FOXP2: variants seen among roughly 807,000 people sequenced by gnomAD.
FOXP2 encodes forkhead box P2, also known as forkhead box protein P2.
In FOXP2, 12 loss-of-function variants were observed where a neutral mutation model predicts 115.8. The observed-to-expected ratio is 0.10, with a 90% CI of 0.07 to 0.17. The LOEUF (loss-of-function observed/expected upper bound fraction) is 0.17. Among genes scored for constraint, FOXP2 ranks in the 10% least tolerant of loss-of-function variants. FOXP2 has a pLI of 1.00. For synonymous variants in FOXP2, 328 were observed against 297.7 expected, an observed-to-expected ratio of 1.10 and a Z score of -1.05; for missense variants, 629 against 843.5, an observed-to-expected ratio of 0.75 and a Z score of 3.15.
At chr7:114,617,355 T>C (rs1378304741) in intron 3 of FOXP2, among the ~76,000 whole-genome samples, 1 of 152,192 alleles carries the variant, frequency 6.6e-6, no homozygotes, top group East Asian at 1.9e-4. Context: ...AATGCTCCCT[T>C]CCTCTCTATC....
intron 1 of FOXP2, among the ~76,000 whole-genome samples, chr7:114,164,142 G>A (rs1792911253): frequency 6.6e-6 from 1 of 152,052 alleles, no homozygotes; most frequent in Admixed American, 6.6e-5. Context: ...GTTTAATCTT[G>A]TTACGTGGTG....
At chr7:114,234,150 A>C (rs1366554528) in intron 1 of FOXP2, among the ~76,000 whole-genome samples, 1 of 152,134 alleles carries the variant, frequency 6.6e-6, no homozygotes, top group South Asian at 2.1e-4. Context: ...GAAATACCTC[A>C]TTTATATGAT....
chr7:114,309,018 G>GT (rs746863602), intron 2 of FOXP2, among the ~76,000 whole-genome samples: 2 of 152,146 alleles, frequency 1.3e-5, no homozygotes, highest in Non-Finnish European at 2.9e-5. Context: ...GTAAGCAGAG[G>GT]TACTATCTAA....
chr7:114,495,569 AAT>A (rs1370090079), intron 2 of FOXP2, among the ~76,000 whole-genome samples: 1 of 135,152 alleles, frequency 7.4e-6, no homozygotes, highest in East Asian at 2.2e-4. Flanking sequence ...GCAATGTTGC[AAT>A]CTCAGCTCAC....
Position 114,691,404 on chromosome 7 carries a change from A to G in FOXP2, c.*1478A>G, listed in dbSNP as rs930272135. 1 of 453,948 alleles carries G rather than the reference A, an allele frequency of 2.2e-6. No homozygotes were observed. The highest frequency in any genetic ancestry group is 1.6e-5 in the South Asian group (1 of 64,458). The allele number at this position is 453,948 out of a possible 1,614,324, so 28.1% of individuals were successfully genotyped here. A position where few individuals can be genotyped will look rare whatever the true frequency, so the allele number is the denominator to read the frequency against. ...ATAGCAATTGTAGTCCATGGTATTT[A>G]TTTTCAGTCAAACCAAAGTTACATA... On this transcript the variant is annotated 3_prime_UTR_variant, in exon 17 of 17. Transcript: ENST00000350908.
intron 1 of FOXP2, among the ~76,000 whole-genome samples, chr7:114,210,987 A>T (rs1293312115): frequency 1.3e-5 from 2 of 152,080 alleles, no homozygotes; most frequent in Non-Finnish European, 2.9e-5. Flanking sequence ...GAATTTTCCA[A>T]AGCCAGCAGG....
chr7:114,400,306 T>G (rs1433344097), intron 2 of FOXP2, among the ~76,000 whole-genome samples: 2 of 152,132 alleles, frequency 1.3e-5, no homozygotes, highest in Non-Finnish European at 2.9e-5. Flanking sequence ...AAAAGCTAAT[T>G]TCTTCAGAAT....
intron 3 of FOXP2, among the ~76,000 whole-genome samples, chr7:114,608,363 T>C (rs922485782): frequency 6.6e-6 from 1 of 152,174 alleles, no homozygotes; most frequent in Non-Finnish European, 1.5e-5. Flanking sequence ...TTTTTATAGC[T>C]AATATGATTG....
intron 2 of FOXP2, among the ~76,000 whole-genome samples, chr7:114,481,142 G>A (rs1796517539): frequency 6.6e-6 from 1 of 151,070 alleles, no homozygotes; most frequent in South Asian, 2.1e-4. Context: ...ACAAGTTTGA[G>A]GTAGTACACT....
intron 2 of FOXP2, among the ~76,000 whole-genome samples, chr7:114,406,458 T>G (rs548875098): frequency 6.6e-6 from 1 of 152,114 alleles, no homozygotes; most frequent in South Asian, 2.1e-4. Context: ...GTGATGATTT[T>G]ATTATTCTGA....
intron 1 of FOXP2, among the ~76,000 whole-genome samples, chr7:114,156,535 T>G (rs887646444): frequency 6.6e-6 from 1 of 152,170 alleles, no homozygotes; most frequent in Non-Finnish European, 1.5e-5. Context: ...GGAGACCCAT[T>G]CCCACTTTGT....
chr7:114,578,879 A>G (rs919808652), intron 3 of FOXP2, among the ~76,000 whole-genome samples: 1 of 152,150 alleles, frequency 6.6e-6, no homozygotes, highest in Non-Finnish European at 1.5e-5. Context: ...TCCAGACTGT[A>G]GATTTATTGC....
intron 1 of FOXP2, among the ~76,000 whole-genome samples, chr7:114,100,484 AC>A (rs1021347921): frequency 1.1e-4 from 16 of 152,194 alleles, no homozygotes; most frequent in Admixed American, 1.3e-4. Context: ...CAATTTATAT[AC>A]CATCTGAATA....
At chr7:114,686,563 T>C (rs536097382) in intron 16 of FOXP2, among the ~76,000 whole-genome samples, 2 of 152,298 alleles carry the variant, frequency 1.3e-5, no homozygotes, top group African/African-American at 2.4e-5. Flanking sequence ...CATTCTAATA[T>C]CCAGTTCAAA....
chr7:114,595,141 T>A (rs2129310304), intron 3 of FOXP2, among the ~76,000 whole-genome samples: 1 of 152,200 alleles, frequency 6.6e-6, no homozygotes, highest in Non-Finnish European at 1.5e-5. Flanking sequence ...ATATCGTACA[T>A]GACCTAATTG....
intron 1 of FOXP2, among the ~76,000 whole-genome samples, chr7:114,278,476 T>A (rs138506218): frequency 0.039 from 6,004 of 152,030 alleles, 289 homozygotes; most frequent in African/African-American, 0.12. Flanking sequence ...CCTCTCAGTC[T>A]CCCGAGTAGC....
chr7:114,443,852 T>C (rs1794717346), intron 2 of FOXP2, among the ~76,000 whole-genome samples: 2 of 152,210 alleles, frequency 1.3e-5, no homozygotes, highest in South Asian at 4.1e-4. Context: ...TTCCATGTCT[T>C]TGCTATTCTG....
At chr7:114,517,701 A>G (rs1352393777) in intron 2 of FOXP2, among the ~76,000 whole-genome samples, 1 of 152,144 alleles carries the variant, frequency 6.6e-6, no homozygotes, top group African/African-American at 2.4e-5. Context: ...TTTTTATGCC[A>G]GTATCATGCT....
chr7:114,330,263 T>C (rs1247952517), intron 2 of FOXP2, among the ~76,000 whole-genome samples: 1 of 152,020 alleles, frequency 6.6e-6, no homozygotes, highest in Non-Finnish European at 1.5e-5. Flanking sequence ...TTGCATTCTA[T>C]CATTAAAAAG....
Sources: gnomAD v4.1 joint callset for allele counts (sites outside exome capture counted in the v4.1 genomes callset) on GRCh38, gnomAD v4.1.1 for gene constraint, MANE v1.5 for transcripts, NCBI Gene and HGNC (gene_info 2026-07-23, HGNC 2026-07-21) for gene names.